GRIA1: variants seen among roughly 807,000 people sequenced by gnomAD.
GRIA1 encodes glutamate receptor 1.
Under a neutral mutation model 99.2 loss-of-function variants are expected in GRIA1, and 31 were observed. The observed-to-expected ratio is 0.31, with a 90% CI of 0.23 to 0.42. GRIA1 has a LOEUF of 0.42. Among genes scored for constraint, GRIA1 ranks in the 10% least tolerant of loss-of-function variants. The pLI, the probability that GRIA1 is intolerant of heterozygous loss-of-function variation, is 1.00. For synonymous variants in GRIA1, 438 were observed against 432.4 expected (o/e 1.01, Z -0.16); for missense variants, 782 against 1,157.5 (o/e 0.68, Z 4.71).
At chr5:153,577,776 A>G (rs1370738467) in intron 2 of GRIA1, among the ~76,000 whole-genome samples, 1 of 152,210 alleles carries the variant, frequency 6.6e-6, no homozygotes, top group East Asian at 1.9e-4. Context: ...GGGGGACAAG[A>G]CACCTGACTT....
At chr5:153,524,319 C>T (rs1420749161) in intron 2 of GRIA1, among the ~76,000 whole-genome samples, 1 of 152,078 alleles carries the variant, frequency 6.6e-6, no homozygotes, top group Admixed American at 6.6e-5. Flanking sequence ...GAGTGAGACT[C>T]AGTTTAAAAA....
chr5:153,563,260 CTG>C (rs1335091866), intron 2 of GRIA1, among the ~76,000 whole-genome samples: 2 of 151,984 alleles, frequency 1.3e-5, no homozygotes, highest in Non-Finnish European at 2.9e-5. Flanking sequence ...AAGTCAGTCA[CTG>C]AGACAGTATT....
rs555405574 is a variant in GRIA1 at position 153,804,700 on chromosome 5, C to T, written c.2520+2210C>T. 4.6e-5 allele frequency among the ~76,000 whole-genome samples: 7 copies of T among 151,768 alleles called. No individual in the cohort carries two copies. The South Asian group carries it at 1.5e-3, about 32-fold the overall frequency. On this transcript the variant is annotated intron_variant, in intron 15 of 15. Transcript: ENST00000285900. The stretch of plus-strand genomic sequence containing the variant: ...ACTATGTCATCTTAGGTTTTAGTAA[C>T]TCTCTGATCCTTATTAATTAATTAA...
intron 15 of GRIA1, among the ~76,000 whole-genome samples, 191 bp from the exon 16 acceptor site, chr5:153,810,834 G>A (rs1044451575): frequency 5.3e-5 from 8 of 152,154 alleles, no homozygotes; most frequent in African/African-American, 1.9e-4. Context: ...GCTAAGAGAG[G>A]GGATCAGACA....
chr5:153,551,702 G>C (rs1760158256), intron 2 of GRIA1, among the ~76,000 whole-genome samples: 2 of 152,142 alleles, frequency 1.3e-5, no homozygotes, highest in Admixed American at 1.3e-4. Flanking sequence ...GTCTCATGAA[G>C]ATTACAGCCA....
chr5:153,773,978 G>A (rs1485070714), intron 13 of GRIA1, among the ~76,000 whole-genome samples: 1 of 151,984 alleles, frequency 6.6e-6, no homozygotes, highest in Non-Finnish European at 1.5e-5. Flanking sequence ...AACACTGCTA[G>A]CAACCAATAA....
intron 2 of GRIA1, among the ~76,000 whole-genome samples, chr5:153,586,507 C>T (rs1763494490): frequency 6.6e-6 from 1 of 152,166 alleles, no homozygotes; most frequent in Admixed American, 6.5e-5. Flanking sequence ...CTCTAAATCC[C>T]AAGTTATATG....
intron 3 of GRIA1, among the ~76,000 whole-genome samples, chr5:153,649,931 A>C (rs557977487): frequency 6.6e-6 from 1 of 152,334 alleles, no homozygotes; most frequent in African/African-American, 2.4e-5. Flanking sequence ...CTAACAGCTA[A>C]TATTTATAAA....
At chr5:153,775,290 G>T (rs1764149285) in intron 13 of GRIA1, among the ~76,000 whole-genome samples, 2 of 152,214 alleles carry the variant, frequency 1.3e-5, no homozygotes, top group African/African-American at 4.8e-5. Context: ...AATGTCACCT[G>T]ATGATTCTCT....
At chr5:153,639,955 G>A (rs1422391608) in intron 2 of GRIA1, among the ~76,000 whole-genome samples, 3 of 152,236 alleles carry the variant, frequency 2.0e-5, no homozygotes, top group Non-Finnish European at 2.9e-5. Flanking sequence ...ATCCAGAGAG[G>A]AAAAATGCAG....
chr5:153,609,082 T>C (rs144486903), intron 2 of GRIA1, among the ~76,000 whole-genome samples: 1 of 152,286 alleles, frequency 6.6e-6, no homozygotes, highest in Non-Finnish European at 1.5e-5. Flanking sequence ...GCAATCACCA[T>C]ATTTTGGTCC....
intron 2 of GRIA1, among the ~76,000 whole-genome samples, chr5:153,511,907 G>A (rs914410186): frequency 2.0e-5 from 3 of 152,106 alleles, no homozygotes; most frequent in Non-Finnish European, 2.9e-5. Context: ...TCTTTTCCTC[G>A]TTCCTGCGAA....
intron 2 of GRIA1, among the ~76,000 whole-genome samples, chr5:153,630,685 A>G (rs1212365968): frequency 6.6e-6 from 1 of 152,234 alleles, no homozygotes; most frequent in Non-Finnish European, 1.5e-5. Context: ...CAAATCCAGC[A>G]GAGATTTTAT....
At chr5:153,764,823 G>C (rs1763407731) in intron 12 of GRIA1, among the ~76,000 whole-genome samples, 191 bp downstream of exon 12, 1 of 152,150 alleles carries the variant, frequency 6.6e-6, no homozygotes. Context: ...TTCTACATTT[G>C]TAGAAGCTTC....
intron 2 of GRIA1, among the ~76,000 whole-genome samples, chr5:153,507,867 A>G (rs1283656257): frequency 1.3e-5 from 2 of 152,128 alleles, no homozygotes; most frequent in Non-Finnish European, 2.9e-5. Context: ...CCTACACTCT[A>G]TGTTCCAGCC....
At chr5:153,662,270 A>G (rs1755425960) in intron 5 of GRIA1, among the ~76,000 whole-genome samples, 1 of 152,198 alleles carries the variant, frequency 6.6e-6, no homozygotes, top group East Asian at 1.9e-4. Context: ...GCCTGTCCGT[A>G]TGCCTGATAC....
At chr5:153,670,203 A>G (rs1756054974) in intron 5 of GRIA1, among the ~76,000 whole-genome samples, 1 of 152,196 alleles carries the variant, frequency 6.6e-6, no homozygotes, top group Admixed American at 6.5e-5. Flanking sequence ...ACATGGGGCA[A>G]TGTGAAATGC....
chr5:153,506,319 GTGT>G (rs1561593626), intron 2 of GRIA1, among the ~76,000 whole-genome samples: 43 of 43,902 alleles, frequency 9.8e-4, no homozygotes, highest in Admixed American at 3.0e-3. Context: ...CAAGAAGGGT[GTGT>G]GTGTGTGTGT....
At chr5:153,531,328 G>A (rs1192589398) in intron 2 of GRIA1, among the ~76,000 whole-genome samples, 1 of 152,096 alleles carries the variant, frequency 6.6e-6, no homozygotes, top group East Asian at 1.9e-4. Context: ...GGGCCTTCCT[G>A]GGGATCTTCT....
Sources: allele counts gnomAD v4.1 joint callset (sites outside exome capture counted in the v4.1 genomes callset), GRCh38; gene constraint gnomAD v4.1.1; transcripts MANE v1.5; gene names NCBI Gene and HGNC (gene_info 2026-07-23, HGNC 2026-07-21).